The following RHOT2 variants were observed in gnomAD, a reference collection of about 807,000 sequenced individuals.
RHOT2 encodes mitochondrial Rho GTPase 2.
Under a neutral mutation model 81.6 loss-of-function variants are expected in RHOT2, and 90 were observed. The ratio of observed to expected loss-of-function variants is 1.10; its 90% CI spans 0.93 to 1.31. The LOEUF is 1.31. Ranked by LOEUF, RHOT2 falls within the 40% of genes most tolerant of loss-of-function variation. The pLI is 0.00. For synonymous variants in RHOT2, 512 were observed against 370.9 expected (o/e 1.38, Z -4.37); for missense variants, 1,014 against 841.9 (o/e 1.20, Z -2.53).
At position 672,299 on chromosome 16, in the gene RHOT2, G is replaced by A. The variant is rs1231671362; in HGVS notation, c.1241G>A (p.Arg414Gln). The change falls in exon 15 of 19, where the codon CGG (arginine) becomes CAG (glutamine). Residue 414 changes from arginine to glutamine, a missense_variant. By Grantham distance (43) the Arg-to-Gln change is conservative (BLOSUM62 1). Coordinates refer to ENST00000315082, the MANE Select transcript of RHOT2 (RefSeq NM_138769.3). ...GACCAGGAGAAGGGACAGACGCAGC[G>A]GAGCGTCCTCCTGTGCAAGGTGGTA... The part of the protein sequence containing the change: ...RLDQEKGQTQ[R>Q]SVLLCKVVGA... The A allele has an allele frequency of 1.2e-5, 19 of 1,612,204 alleles. No homozygotes were observed. Among genetic ancestry groups the A allele is most frequent in the Admixed American group, 3.3e-5 (2 of 59,956 alleles).
At chr16:669,916 G>C (rs893500036) in intron 5 of RHOT2, 1 of 615,526 alleles carries the variant, frequency 1.6e-6, no homozygotes, top group Non-Finnish European at 2.8e-6. Flanking sequence ...CAGTGACTTG[G>C]GGGTGTTTGG....
At chr16:670,409 G>C (rs747475915) in intron 7 of RHOT2, 47 bp from the exon 8 acceptor site, 2 of 1,608,328 alleles carry the variant, frequency 1.2e-6, no homozygotes, top group East Asian at 2.2e-5. Flanking sequence ...GTTCTCAGTC[G>C]GTGCCCTCCT....
chr16:672,444 G>A, intron 15 of RHOT2, 45 bp from the exon 16 acceptor site: 1 of 1,610,680 alleles, frequency 6.2e-7, no homozygotes, highest in Non-Finnish European at 8.5e-7. Context: ...AGGGCAATCT[G>A]GGGGGCACTG....
chr16:668,822 C>T (rs2038388248), intron 4 of RHOT2, 123 bp downstream of exon 4: 12 of 1,081,286 alleles, frequency 1.1e-5, no homozygotes, highest in South Asian at 1.1e-4. Context: ...CTGTGACCTC[C>T]GCACTGAGGG....
At position 673,782 on chromosome 16, in the gene RHOT2, T is replaced by C; in HGVS notation, c.*176T>C. 4 of 811,272 alleles carry C rather than the reference T, an allele frequency of 4.9e-6. No homozygotes were observed. The highest frequency in any genetic ancestry group is 7.5e-6 in the Non-Finnish European group (4 of 530,032). The allele number at this position is 811,272 out of a possible 1,614,324, so 50.3% of individuals were successfully genotyped here. A position where few individuals can be genotyped will look rare whatever the true frequency, so the allele number is the denominator to read the frequency against. ...AGCGGGGCCTTATGCTGCCATGCAC[T>C]GCCCTGGCTCCTGCCGGACCCCCAG... On this transcript the variant is annotated 3_prime_UTR_variant, in exon 19 of 19. Coordinates refer to ENST00000315082, the MANE Select transcript of RHOT2 (RefSeq NM_138769.3).
intron 11 of RHOT2, 126 bp downstream of exon 11, chr16:671,329 TCGCTCAGCAGG>T: frequency 7.3e-7 from 1 of 1,368,278 alleles, no homozygotes; most frequent in Non-Finnish European, 9.7e-7. Flanking sequence ...AGTGAAGGTC[TCGCTCAGCAGG>T]CCATCTGGGG....
At chr16:668,098 C>T (rs1427031179), upstream of RHOT2, 2 of 415,948 alleles carry the variant, frequency 4.8e-6, no homozygotes, top group Non-Finnish European at 8.4e-6. Context: ...CAGCGCGGGG[C>T]CGAGAACCGG....
At chr16:669,063 C>A in intron 4 of RHOT2, 1 of 405,012 alleles carries the variant, frequency 2.5e-6, no homozygotes, top group Non-Finnish European at 4.5e-6. Context: ...GCACGTGTGC[C>A]GGGGACATCT....
Position 673,023 on chromosome 16 carries a change from G to A in RHOT2, c.1623G>A (p.Glu541=). The A allele has an allele frequency of 1.2e-6, 2 of 1,612,440 alleles. No individual in the cohort carries two copies. Among genetic ancestry groups the A allele is most frequent in the Middle Eastern group, 1.6e-4 (1 of 6,062 alleles). The part of the protein sequence containing the change: ...GVAVSGPSPA[E]FCRKHRLPAP... ...CGGTGTCTGGCCCATCACCGGCCGA[G>A]TTTTGCCGCAAGCACCGGCTACCCG... Residue 541 remains glutamate, a synonymous_variant, in exon 18 of 19, where the codon GAG becomes GAA. Coordinates refer to ENST00000315082, the MANE Select transcript of RHOT2 (RefSeq NM_138769.3).
chr16:670,172 C>T lies in RHOT2; in HGVS notation c.326C>T (p.Pro109Leu). 2 of 1,603,954 alleles carry T rather than the reference C, an allele frequency of 1.2e-6. No individual in the cohort carries two copies. Among genetic ancestry groups the T allele is most frequent in the East Asian group, 4.5e-5 (2 of 44,724 alleles). Residue 109 changes from proline to leucine, a missense_variant, in exon 6 of 19, where the codon CCC becomes CTC. Pro to Leu is a moderately conservative substitution (Grantham distance 98, BLOSUM62 -3). Transcript: ENST00000315082. ...PLVNGGTTQG[P>L]RVPIILVGNK... ...GTGAATGGGGGGACCACGCAGGGGC[C>T]CAGGTAATGAGGGGATGTGGAAGGG... is the stretch of plus-strand genomic sequence containing the variant.
chr16:671,287 C>T (rs904415699), intron 11 of RHOT2, 84 bp downstream of exon 11: 2 of 1,477,080 alleles, frequency 1.4e-6, no homozygotes, highest in African/African-American at 2.8e-5. Context: ...ATGAGTGACG[C>T]TGGGGTTTGA....
Position 670,792 on chromosome 16 carries a change from C to G in RHOT2, c.639+19C>G. On this transcript the variant is annotated intron_variant, in intron 9 of 18. Coordinates refer to ENST00000315082, the MANE Select transcript of RHOT2 (RefSeq NM_138769.3). The stretch of plus-strand genomic sequence containing the variant: ...TTTCCAGGTGTGCCCCTGCCCCACC[C>G]TCGGTGCCCAGCCCCCTTGAACCTC... 6.2e-7 allele frequency: 1 copy of G among 1,610,544 alleles called. No homozygotes were observed. The highest frequency in any genetic ancestry group is 2.2e-5 in the East Asian group (1 of 44,852).
rs201192212 is a variant in RHOT2, at chr16:672,472, G to T, written c.1327-17G>T. On this transcript the variant is annotated splice_polypyrimidine_tract_variant and intron_variant, in intron 15 of 18. Coordinates refer to ENST00000315082, the MANE Select transcript of RHOT2 (RefSeq NM_138769.3). ...GGGCACTGCAGCCAGCGAGTGTCAG[G>T]ACTTCACCTCCCTCAGCACCAGGAC... 6.2e-7 allele frequency: 1 copy of T among 1,612,254 alleles called. No homozygotes were observed. The highest frequency in any genetic ancestry group is 1.3e-5 in the African/African-American group (1 of 74,934).
Position 669,533 on chromosome 16 carries a change from C to T in RHOT2, c.223-20C>T, listed in dbSNP as rs766345118. 11 of 1,610,726 alleles carry T rather than the reference C, an allele frequency of 6.8e-6. No homozygotes were observed. The highest frequency in any genetic ancestry group is 1.7e-5 in the Admixed American group (1 of 59,962). On this transcript the variant is annotated intron_variant, in intron 4 of 18. Coordinates refer to ENST00000315082, the MANE Select transcript of RHOT2 (RefSeq NM_138769.3). ...TGAGCCAGCAGCCCTGTCACCCACA[C>T]CTCATCACTGTTCCCTCAGGCAAAC...
At chr16:671,557 C>A in intron 11 of RHOT2, 140 bp from the exon 12 acceptor site, 2 of 934,414 alleles carry the variant, frequency 2.1e-6, no homozygotes, top group Non-Finnish European at 3.2e-6. Flanking sequence ...ATCGCAGCTG[C>A]AAGGTCGGGG....
intron 7 of RHOT2, 35 bp from the exon 8 acceptor site, chr16:670,421 G>T: frequency 6.2e-7 from 1 of 1,605,390 alleles, no homozygotes; most frequent in Non-Finnish European, 8.5e-7. Context: ...TGCCCTCCTC[G>T]GGGCACTTCC....
rs749702502 is a variant in RHOT2, at chr16:673,039, C to T, written c.1639C>T (p.Arg547Trp). The change falls in exon 18 of 19, where the codon CGG becomes TGG. Residue 547 changes from arginine (R) to tryptophan (W), a missense_variant. Physicochemically the swap from Arg to Trp is moderately radical, Grantham distance 101. Transcript: ENST00000315082. ...PSPAEFCRKH[R>W]LPAPVPFSCA... is the part of the protein sequence containing the mutation. ...ACCGGCCGAGTTTTGCCGCAAGCAC[C>T]GGCTACCCGCTCCCGTGCCGTTCTC... The T allele has an allele frequency of 2.0e-5, 32 of 1,612,032 alleles. No individual in the cohort carries two copies. The highest frequency in any genetic ancestry group is 1.6e-4 in the Middle Eastern group (1 of 6,084).
At chr16:668,619 C>G (rs201721186) in intron 3 of RHOT2, 37 bp from the exon 4 acceptor site, 3 of 1,609,388 alleles carry the variant, frequency 1.9e-6, no homozygotes, top group Admixed American at 1.7e-5. Context: ...TCCGGCGGGC[C>G]TGCTGGGTCC....
intron 4 of RHOT2, chr16:669,040 T>G (rs2038433310): frequency 2.3e-6 from 1 of 429,952 alleles, no homozygotes; most frequent in Non-Finnish European, 4.2e-6. Flanking sequence ...CACCCGGAGC[T>G]CCCAGTACCA....
Sources: gnomAD v4.1 joint callset for allele counts on GRCh38, gnomAD v4.1.1 for gene constraint, MANE v1.5 for transcripts, NCBI Gene and HGNC (gene_info 2026-07-23, HGNC 2026-07-21) for gene names.